GRIN2B: variants seen among roughly 807,000 people sequenced by gnomAD.
GRIN2B encodes the protein glutamate receptor ionotropic, NMDA 2B.
GRIN2B carries 5 observed loss-of-function variants against 114.5 expected under a neutral mutation model. The ratio of observed to expected loss-of-function variants is 0.04; its 90% CI spans 0.02 to 0.09. The LOEUF (loss-of-function observed/expected upper bound fraction) is 0.09. Ranked by LOEUF, GRIN2B falls within the 10% of genes least tolerant of loss-of-function variation. The pLI, the probability that GRIN2B is intolerant of heterozygous loss-of-function variation, is 1.00. For synonymous variants in GRIN2B, 787 were observed against 745.1 expected, an observed-to-expected ratio of 1.06 and a Z score of -0.92; for missense variants, 1,108 against 1,943.5, an observed-to-expected ratio of 0.57 and a Z score of 8.08.
chr12:13,727,984 T>C (rs1404221994), intron 4 of GRIN2B, among the ~76,000 whole-genome samples: 2 of 152,210 alleles, frequency 1.3e-5, no homozygotes, highest in South Asian at 2.1e-4. Context: ...TACTGTAGCA[T>C]TGTGAGTAAA....
rs201212056 is a variant in GRIN2B, at chr12:13,611,792, G to A, written c.1713C>T (p.Ala571=). 11 of 1,613,206 alleles carry A rather than the reference G, an allele frequency of 6.8e-6. No individual in the cohort carries two copies. Among genetic ancestry groups the A allele is most frequent in the African/African-American group, 1.3e-5 (1 of 75,016 alleles). ...MMFVMLLIVS[A]VAVFVFEYFS... ...AGTACTCAAAGACAAAGACAGCCAC[G>A]GCTGAGACGATGAGCAGCATCACAA... Residue 571 remains alanine (A), a synonymous_variant, in exon 9 of 14, where the codon GCC becomes GCT. Transcript: ENST00000609686.
At chr12:13,911,666 C>T (rs1481101986) in intron 2 of GRIN2B, among the ~76,000 whole-genome samples, 1 of 152,118 alleles carries the variant, frequency 6.6e-6, no homozygotes, top group Admixed American at 6.5e-5. Flanking sequence ...GGGTCTCCCT[C>T]CAGCCTAGTA....
At chr12:13,803,408 G>A (rs566574887) in intron 3 of GRIN2B, among the ~76,000 whole-genome samples, 2 of 152,214 alleles carry the variant, frequency 1.3e-5, no homozygotes, top group East Asian at 3.9e-4. Context: ...TGCAAGATCT[G>A]CTATTCACAG....
chr12:13,954,811 G>GAAAAAAAAAAAACA (rs1867556146), intron 2 of GRIN2B, among the ~76,000 whole-genome samples: 1 of 25,552 alleles, frequency 3.9e-5, no homozygotes, highest in Non-Finnish European at 1.0e-4. Flanking sequence ...TCCGTCTCAG[G>GAAAAAAAAAAAACA]AAAAAAAAAA....
chr12:13,622,438 C>T (rs1949526965), intron 5 of GRIN2B, among the ~76,000 whole-genome samples: 1 of 152,146 alleles, frequency 6.6e-6, no homozygotes, highest in African/African-American at 2.4e-5. Flanking sequence ...GACAGGAGGA[C>T]ACCCTCACTT....
intron 2 of GRIN2B, among the ~76,000 whole-genome samples, chr12:13,889,952 T>A (rs867290204): frequency 1.3e-5 from 2 of 152,120 alleles, no homozygotes; most frequent in Non-Finnish European, 2.9e-5. Flanking sequence ...TGCCTAGACT[T>A]CTAAGAAAAG....
intron 2 of GRIN2B, among the ~76,000 whole-genome samples, chr12:13,870,767 A>T (rs1865891758): frequency 6.6e-6 from 1 of 152,222 alleles, no homozygotes; most frequent in Admixed American, 6.5e-5. Flanking sequence ...AGAACTATGT[A>T]TCAGGTCCAG....
chr12:13,610,663 A>G (rs1591639916), intron 9 of GRIN2B, among the ~76,000 whole-genome samples: 1 of 152,214 alleles, frequency 6.6e-6, no homozygotes, highest in South Asian at 2.1e-4. Flanking sequence ...TGTGAATCCA[A>G]CAGAAGCATG....
At chr12:13,889,201 C>T (rs1255177434) in intron 2 of GRIN2B, among the ~76,000 whole-genome samples, 1 of 152,018 alleles carries the variant, frequency 6.6e-6, no homozygotes, top group African/African-American at 2.4e-5. Context: ...ATCATTAAGA[C>T]GTCACTAGGC....
At chr12:13,671,776 A>G (rs1027909358) in intron 5 of GRIN2B, among the ~76,000 whole-genome samples, 28 of 152,266 alleles carry the variant, frequency 1.8e-4, no homozygotes, top group African/African-American at 5.3e-4. Context: ...TTTAGCAATT[A>G]TCTTTTGAGT....
chr12:13,789,253 C>T (rs150110465), intron 3 of GRIN2B, among the ~76,000 whole-genome samples: 71 of 152,284 alleles, frequency 4.7e-4, no homozygotes, highest in Middle Eastern at 6.8e-3. Context: ...CCACTGGCAA[C>T]GGTGCAATAA....
At position 13,546,028 on chromosome 12, in the gene GRIN2B, T is replaced by C. The variant is rs1948336873; in HGVS notation, c.*16755A>G. 6.6e-6 allele frequency: 1 copy of C among 152,214 alleles called. No individual in the cohort carries two copies. Among genetic ancestry groups the C allele is most frequent in the Non-Finnish European group, 1.5e-5 (1 of 68,040 alleles). The allele number at this position is 152,214 out of a possible 1,614,324, so 9.4% of individuals were successfully genotyped here. On this transcript the variant is annotated 3_prime_UTR_variant, in exon 14 of 14. Transcript: ENST00000609686. ...AACAGTAATCACATTAACAACCTAG[T>C]GATTTCACTGGAGATGGGAAGATAT...
intron 3 of GRIN2B, among the ~76,000 whole-genome samples, chr12:13,838,272 C>T (rs1261932413): frequency 1.3e-5 from 2 of 152,126 alleles, no homozygotes; most frequent in African/African-American, 4.8e-5. Flanking sequence ...CCCAAAGCAC[C>T]TGCGTGGTCC....
intron 3 of GRIN2B, among the ~76,000 whole-genome samples, chr12:13,829,970 AG>A (rs1400875938): frequency 6.6e-6 from 1 of 152,114 alleles, no homozygotes; most frequent in Non-Finnish European, 1.5e-5. Context: ...TAGGGGTAGG[AG>A]GGGCTGGGAG....
At chr12:13,973,915 A>G (rs1862973635) in intron 2 of GRIN2B, among the ~76,000 whole-genome samples, 1 of 152,206 alleles carries the variant, frequency 6.6e-6, no homozygotes, top group African/African-American at 2.4e-5. Context: ...CTATAGTTTA[A>G]TCAAGAGGTG....
chr12:13,853,447 T>A (rs1165961225), intron 3 of GRIN2B, among the ~76,000 whole-genome samples: 1 of 152,254 alleles, frequency 6.6e-6, no homozygotes, highest in Non-Finnish European at 1.5e-5. Context: ...TTGCATATGT[T>A]TATTTTCCAA....
chr12:13,705,559 C>T (rs1203148123), intron 4 of GRIN2B, among the ~76,000 whole-genome samples: 1 of 152,040 alleles, frequency 6.6e-6, no homozygotes, highest in Non-Finnish European at 1.5e-5. Flanking sequence ...TAATGAACAA[C>T]AAAAAATGCA....
intron 9 of GRIN2B, among the ~76,000 whole-genome samples, chr12:13,609,645 C>T (rs946581894): frequency 2.0e-5 from 3 of 152,004 alleles, no homozygotes; most frequent in African/African-American, 4.8e-5. Context: ...TGGTGGCGGG[C>T]GCCTGTAGTC....
intron 3 of GRIN2B, among the ~76,000 whole-genome samples, chr12:13,758,082 GACT>G (rs1238273075): frequency 1.4e-4 from 21 of 152,284 alleles, no homozygotes; most frequent in Non-Finnish European, 2.9e-4. Flanking sequence ...GGGTAAATGG[GACT>G]GAATGACTGG....
Sources: allele counts gnomAD v4.1 joint callset (sites outside exome capture counted in the v4.1 genomes callset), GRCh38; gene constraint gnomAD v4.1.1; transcripts MANE v1.5; gene names NCBI Gene and HGNC (gene_info 2026-07-23, HGNC 2026-07-21).